Variants in FLT1 observed in about 807,000 individuals in gnomAD.
FLT1 encodes fms related receptor tyrosine kinase 1.
In FLT1, 49 loss-of-function variants were observed where a neutral mutation model predicts 156.3. That is an observed-to-expected ratio of 0.31 (90% confidence interval 0.25 to 0.40). FLT1 has a LOEUF of 0.40. FLT1 is among the 10% of genes least tolerant of loss of function. FLT1 has a pLI of 1.00. For synonymous variants in FLT1, 594 were observed against 583.8 expected (o/e 1.02, Z -0.25); for missense variants, 1,322 against 1,637.2 (o/e 0.81, Z 3.32).
At chr13:28,493,271 G>T (rs1414966164) in intron 1 of FLT1, among the ~76,000 whole-genome samples, 1 of 152,278 alleles carries the variant, frequency 6.6e-6, no homozygotes, top group South Asian at 2.1e-4. Flanking sequence ...TAATACAAGT[G>T]ACTTTTCAAA....
chr13:28,321,275 G>A (rs899603087), intron 23 of FLT1, among the ~76,000 whole-genome samples, 188 bp downstream of exon 23: 2 of 152,212 alleles, frequency 1.3e-5, no homozygotes, highest in African/African-American at 4.8e-5. Flanking sequence ...GCAGAAGCAG[G>A]AGACAGTGGC....
At chr13:28,407,269 A>C (rs961433576) in intron 10 of FLT1, among the ~76,000 whole-genome samples, 5 of 152,140 alleles carry the variant, frequency 3.3e-5, no homozygotes, top group Non-Finnish European at 5.9e-5. Flanking sequence ...TTATTATCAA[A>C]CACACCGATA....
intron 18 of FLT1, among the ~76,000 whole-genome samples, chr13:28,331,691 A>C (rs974943872): frequency 1.3e-5 from 2 of 152,130 alleles, no homozygotes; most frequent in Non-Finnish European, 2.9e-5. Flanking sequence ...CGGCCTCCCA[A>C]AGTGCTGGAT....
At chr13:28,473,671 AAG>A (rs1227557664) in intron 1 of FLT1, among the ~76,000 whole-genome samples, 9,569 of 118,148 alleles carry the variant, frequency 0.081, 516 homozygotes, top group Admixed American at 0.13. Context: ...GAAAGAAAGA[AAG>A]AGAGAGAGAG....
Position 28,481,478 on chromosome 13 carries a change from CACACAT to C in FLT1, c.64+13296_64+13301del, listed in dbSNP as rs1474133804. ...ACACACACACACACACACACACACA[CACACAT>C]ACACGTACTTAGAAGGTGAACCAAT... On this transcript the variant is annotated intron_variant, in intron 1 of 29. Coordinates refer to ENST00000282397, the MANE Select transcript of FLT1 (RefSeq NM_002019.4). 5.8e-3 allele frequency among the ~76,000 whole-genome samples: 877 copies of C among 151,450 alleles called. 11 individuals are homozygous for C. Among genetic ancestry groups the C allele is most frequent in the African/African-American group, 0.019 (802 of 41,308 alleles).
rs1873473311 is a variant in FLT1, at chr13:28,369,809, T to G, written c.2117-12124A>C. Among the ~76,000 whole-genome samples the G allele has an allele frequency of 2.0e-5, 3 of 152,166 alleles. No homozygotes were observed. In the South Asian group the frequency reaches 6.2e-4, roughly 32 times the overall value. ...GCGTCTAAAGGAGACTTGATGGCAG[T>G]GTAAGCCCTGATAAGACGATTTACG... On this transcript the variant is annotated intron_variant, in intron 14 of 29. Transcript: ENST00000282397.
rs768716852 is a variant in FLT1 at position 28,390,011 on chromosome 13, CT to C, written c.1753del (p.Arg585GlufsTer40). On this transcript the variant is annotated frameshift_variant, in exon 13 of 30. Transcript: ENST00000282397. LOFTEE classifies it high-confidence loss of function. Reference protein sequence around the residue: ...LSCTVNKFLYRDVTWILLRTV... With the variant: ...LSCTVNKFLYXDVTWILLRTV... ...CCGCAGTAAAATCCAAGTAACGTCT[CT>C]GTATAAGAACTTGTTAACTGTGCAA... is the stretch of plus-strand genomic sequence containing the variant. 6.2e-7 allele frequency: 1 copy of C among 1,614,166 alleles called. No homozygotes were observed. Among genetic ancestry groups the C allele is most frequent in the South Asian group, 1.1e-5 (1 of 91,082 alleles).
chr13:28,477,271 A>G (rs928517533), intron 1 of FLT1, among the ~76,000 whole-genome samples: 1 of 152,158 alleles, frequency 6.6e-6, no homozygotes, highest in Admixed American at 6.5e-5. Context: ...CTACCCTTCC[A>G]ATGACCTATA....
Position 28,427,228 on chromosome 13 carries a change from G to A in FLT1, c.1367C>T (p.Ala456Val), listed in dbSNP as rs755508412. ...LGSRQILTCT[A>V]YGIPQPTIKW... ...GATTGTAGGTTGAGGGATACCATAT[G>A]CGGTACAAGTCAGGATTTGTCTGCT... The change falls in exon 10 of 30, where the codon GCA becomes GTA. Residue 456 changes from alanine (A) to valine (V), a missense_variant. Ala to Val is a moderately conservative substitution (Grantham distance 64). Coordinates refer to ENST00000282397, the MANE Select transcript of FLT1 (RefSeq NM_002019.4). 2 of 1,613,902 alleles carry A rather than the reference G, an allele frequency of 1.2e-6. No individual in the cohort carries two copies. Among genetic ancestry groups the A allele is most frequent in the Admixed American group, 1.7e-5 (1 of 60,006 alleles).
At chr13:28,485,607 G>A (rs560935027) in intron 1 of FLT1, among the ~76,000 whole-genome samples, 26 of 152,282 alleles carry the variant, frequency 1.7e-4, no homozygotes, top group African/African-American at 5.8e-4. Context: ...AACATGAAGT[G>A]TTACACAATG....
At chr13:28,312,921 C>T (rs1871062160) in intron 25 of FLT1, among the ~76,000 whole-genome samples, 1 of 152,164 alleles carries the variant, frequency 6.6e-6, no homozygotes, top group African/African-American at 2.4e-5. Flanking sequence ...ATTCCAATGT[C>T]AACAGACTCC....
intron 4 of FLT1, among the ~76,000 whole-genome samples, chr13:28,436,855 A>C (rs889833315): frequency 1.3e-5 from 2 of 152,190 alleles, no homozygotes; most frequent in Admixed American, 6.5e-5. Context: ...GTGAGGTGGT[A>C]CTATTGTCAT....
At chr13:28,397,874 T>C (rs1875161656) in intron 11 of FLT1, among the ~76,000 whole-genome samples, 1 of 151,890 alleles carries the variant, frequency 6.6e-6, no homozygotes, top group South Asian at 2.1e-4. Flanking sequence ...ATTAATGCAA[T>C]TATATTGTTC....
chr13:28,389,904 G>T lies in FLT1; in HGVS notation c.1861C>A (p.Leu621Ile). 6.2e-7 allele frequency: 1 copy of T among 1,614,172 alleles called. No individual in the cohort carries two copies. Among genetic ancestry groups the T allele is most frequent in the Non-Finnish European group, 8.5e-7 (1 of 1,180,026 alleles). The change falls in exon 13 of 30, where the codon CTT (leucine) becomes ATT (isoleucine). Residue 621 changes from leucine (L) to isoleucine (I), a missense_variant. By Grantham distance (5) the Leu-to-Ile change is conservative. Transcript: ENST00000282397. Reference sequence around the variant, plus strand: ...TGCAGGGAAACATTCATGATGGTAAGATTAAGAGTGATGGAGTGCTCCTTA... The same window carrying T: ...TGCAGGGAAACATTCATGATGGTAATATTAAGAGTGATGGAGTGCTCCTTA... ...ITKEHSITLN[L>I]TIMNVSLQDS...
In FLT1 at chr13:28,386,373, T is replaced by C. The variant is rs182282584; in HGVS notation, c.1970-1342A>G. On this transcript the variant is annotated intron_variant, in intron 13 of 29. Transcript: ENST00000282397. ...AAGTAGTATATCATGGCAGGGTTAC[T>C]ATCTGTTAGGAGAAACAGATTTCTC... is the stretch of plus-strand genomic sequence containing the variant. 1,152 of 1,001,104 alleles carry C rather than the reference T, an allele frequency of 1.2e-3. 13 individuals carry two copies. In the African/African-American group the frequency reaches 0.018, roughly 15 times the overall value. 62.0% of individuals were successfully genotyped at this position (1,001,104 alleles called of 1,614,324 possible).
intron 3 of FLT1, among the ~76,000 whole-genome samples, chr13:28,448,273 A>G (rs1878727766): frequency 6.6e-6 from 1 of 152,242 alleles, no homozygotes; most frequent in South Asian, 2.1e-4. Context: ...ACCCAAGTGA[A>G]TGAAAACTTG....
intron 16 of FLT1, among the ~76,000 whole-genome samples, chr13:28,339,927 T>C (rs969910066): frequency 1.3e-5 from 2 of 152,154 alleles, no homozygotes; most frequent in African/African-American, 4.8e-5. Flanking sequence ...CTGTAAGAAA[T>C]GGAAGTTGAG....
chr13:28,426,310 T>C (rs982844149), intron 10 of FLT1, among the ~76,000 whole-genome samples: 1 of 152,166 alleles, frequency 6.6e-6, no homozygotes, highest in Non-Finnish European at 1.5e-5. Context: ...CTATCCTTAG[T>C]ATCATCCCTC....
chr13:28,429,426 C>T lies in FLT1; in HGVS notation c.1106+624G>A, dbSNP rs1295251828. Among the ~76,000 whole-genome samples, 5 of 152,234 alleles carry T rather than the reference C, an allele frequency of 3.3e-5. No homozygotes were observed. In the East Asian group the frequency reaches 9.6e-4, roughly 29 times the overall value. ...TAACAGTAATTTTGTAAAATGATTGCAGATCATAAACAGATTACATTGTTT... is the reference window on the plus strand; with the variant it reads ...TAACAGTAATTTTGTAAAATGATTGTAGATCATAAACAGATTACATTGTTT... On this transcript the variant is annotated intron_variant, in intron 8 of 29. Transcript: ENST00000282397.
Sources: gnomAD v4.1 joint callset for allele counts (sites outside exome capture counted in the v4.1 genomes callset) on GRCh38, gnomAD v4.1.1 for gene constraint, MANE v1.5 for transcripts, NCBI Gene and HGNC (gene_info 2026-07-23, HGNC 2026-07-21) for gene names.